The following REXO4 variants were observed in gnomAD, a reference collection of about 807,000 sequenced individuals.
REXO4 encodes the protein RNA exonuclease 4, also known as REX4 homolog, 3'-5' exonuclease.
REXO4 carries 29 observed loss-of-function variants against 39.9 expected under a neutral mutation model. That is an observed-to-expected ratio of 0.73 (90% CI 0.54 to 0.99). The LOEUF (loss-of-function observed/expected upper bound fraction) is 0.99. Ranked by LOEUF, REXO4 falls within the 50% of genes least tolerant of loss-of-function variation. The pLI, the probability that REXO4 is intolerant of heterozygous loss-of-function variation, is 0.00. For synonymous variants in REXO4, 184 were observed against 206.2 expected, an observed-to-expected ratio of 0.89 and a Z score of 0.92; for missense variants, 524 against 546.5, an observed-to-expected ratio of 0.96 and a Z score of 0.41.
chr9:133,408,616 G>T, intron 6 of REXO4, 152 bp downstream of exon 6: 1 of 623,258 alleles, frequency 1.6e-6, no homozygotes. Flanking sequence ...GCAATTAGCA[G>T]AACTCTATTT....
At chr9:133,414,449 A>T in intron 2 of REXO4, 2 of 698,392 alleles carry the variant, frequency 2.9e-6, no homozygotes, top group South Asian at 3.0e-5. Flanking sequence ...CACCCACTAA[A>T]TGCTGAGCTC....
chr9:133,406,696 G>A lies in REXO4; in HGVS notation c.*257C>T, dbSNP rs368651258. On this transcript the variant is annotated 3_prime_UTR_variant, in exon 8 of 8. Transcript: ENST00000371942. ...CCAGGGGGTCAGCAGTCGGTAAAGC[G>A]TGGCCAGGCGTGCCCATGGCCGTCC... The A allele has an allele frequency of 2.5e-5, 13 of 512,998 alleles. No homozygotes were observed. The East Asian group carries it at 3.2e-4, about 12-fold the overall frequency. 31.8% of individuals were successfully genotyped at this position (512,998 alleles called of 1,614,324 possible). A position where few individuals can be genotyped will look rare whatever the true frequency, so the allele number is the denominator to read the frequency against.
chr9:133,412,673 T>C (rs896784210), intron 3 of REXO4, 105 bp downstream of exon 3: 1 of 1,508,602 alleles, frequency 6.6e-7, no homozygotes, highest in African/African-American at 1.4e-5. Flanking sequence ...GGGAGGTGCT[T>C]GCCTCATTCA....
chr9:133,413,007 GTGGAGCGA>G, intron 2 of REXO4, 86 bp from the exon 3 acceptor site: 1 of 1,431,018 alleles, frequency 7.0e-7, no homozygotes, highest in Non-Finnish European at 9.5e-7. Flanking sequence ...GTGCAGGTGA[GTGGAGCGA>G]TGGCACAGCC....
rs587698156 is a variant in REXO4, at chr9:133,417,835, C to T, written c.10G>A (p.Ala4Thr). The T allele has an allele frequency of 6.3e-7, 1 of 1,599,922 alleles. No individual in the cohort carries two copies. The highest frequency in any genetic ancestry group is 1.7e-5 in the Admixed American group (1 of 59,994). The change falls in exon 1 of 8, where the codon GCG (alanine) becomes ACG (threonine). Residue 4 changes from alanine to threonine, a missense_variant. Transcript: ENST00000371942. MGK[A>T]KVPASKRAPS... ...GCGCGCTTGGAGGCGGGGACCTTCG[C>T]CTTCCCCATCCTGCTGCCGTCCAGC...
rs587768877 is a variant in REXO4, at chr9:133,412,371, C to T, written c.838G>A (p.Val280Ile). 161 of 1,614,122 alleles carry T rather than the reference C, an allele frequency of 1.0e-4. No individual in the cohort carries two copies. In the South Asian group the frequency reaches 1.6e-3, roughly 16 times the overall value. ...QYGKCVYDKY[V>I]KPTEPVTDYR... is the part of the protein sequence containing the mutation. The stretch of plus-strand genomic sequence containing the variant: ...TCCGTCACGGGCTCGGTTGGTTTGA[C>T]GTACTTGTCATAAACGCACTTCCCA... The change falls in exon 4 of 8, where the codon GTC becomes ATC. Residue 280 changes from valine (V) to isoleucine (I), a missense_variant. Physicochemically the swap from Val to Ile is conservative, Grantham distance 29. Coordinates refer to ENST00000371942, the MANE Select transcript of REXO4 (RefSeq NM_020385.4).
Position 133,412,330 on chromosome 9 carries a change from G to C in REXO4, c.879C>G (p.Val293=). The change falls in exon 4 of 8, where the codon GTC becomes GTG. Residue 293 remains valine, a synonymous_variant. Transcript: ENST00000371942. ...TEPVTDYRTA[V]SGIRPENLKQ... is the part of the protein sequence containing the mutation. ...TGAGGTTCTCAGGCCGAATCCCACT[G>C]ACCGCTGTCCTATAGTCCGTCACGG... 1 of 1,614,022 alleles carries C rather than the reference G, an allele frequency of 6.2e-7. No individual in the cohort carries two copies. Among genetic ancestry groups the C allele is most frequent in the Non-Finnish European group, 8.5e-7 (1 of 1,180,036 alleles).
Position 133,417,788 on chromosome 9 carries a change from C to G in REXO4, c.57G>C (p.Lys19Asn). The change falls in exon 1 of 8, where the codon AAG (lysine) becomes AAC (asparagine). Residue 19 changes from lysine (K) to asparagine (N), a missense_variant. By Grantham distance (94) the Lys-to-Asn change is moderately conservative. Transcript: ENST00000371942. ...SKRAPSSPVA[K>N]PGPVKTLTRK... is the part of the protein sequence containing the mutation. ...GAGTGAGCGTCTTGACAGGACCCGG[C>G]TTAGCCACGGGGCTGCTCGGGGCGC... 1 of 1,609,982 alleles carries G rather than the reference C, an allele frequency of 6.2e-7. No homozygotes were observed. Among genetic ancestry groups the G allele is most frequent in the South Asian group, 1.1e-5 (1 of 91,078 alleles).
intron 2 of REXO4, 73 bp downstream of exon 2, chr9:133,414,592 G>A (rs782535307): frequency 9.0e-5 from 121 of 1,349,604 alleles, no homozygotes; most frequent in Non-Finnish European, 1.2e-4. Flanking sequence ...GAGGCCACCA[G>A]CCTCCATAAG....
In REXO4 at chr9:133,412,378, G is replaced by T; in HGVS notation, c.831C>A (p.Asp277Glu). The T allele has an allele frequency of 1.9e-6, 3 of 1,614,116 alleles. No homozygotes were observed. In the South Asian group the frequency reaches 3.3e-5, roughly 18 times the overall value. Residue 277 changes from aspartate (D) to glutamate (E), a missense_variant, in exon 4 of 8, where the codon GAC (aspartate) becomes GAA (glutamate). Coordinates refer to ENST00000371942, the MANE Select transcript of REXO4 (RefSeq NM_020385.4). ...IVNQYGKCVY[D>E]KYVKPTEPVT... ...CGGGCTCGGTTGGTTTGACGTACTT[G>T]TCATAAACGCACTTCCCATACTGGT... is the stretch of plus-strand genomic sequence containing the variant.
intron 3 of REXO4, 126 bp from the exon 4 acceptor site, chr9:133,412,618 C>T: frequency 7.2e-7 from 1 of 1,395,940 alleles, no homozygotes; most frequent in Non-Finnish European, 9.9e-7. Flanking sequence ...CTCATTTGCA[C>T]CCACGTGACA....
intron 3 of REXO4, 21 bp from the exon 4 acceptor site, chr9:133,412,513 G>A: frequency 1.2e-6 from 2 of 1,612,844 alleles, no homozygotes; most frequent in Middle Eastern, 1.7e-4. Flanking sequence ...ACCAAAGGCT[G>A]TAGTTTAATA....
chr9:133,412,484 C>T lies in REXO4; in HGVS notation c.725G>A (p.Arg242Lys). ...VKEQAFGGLT[R>K]ALALDCEMVG... Reference sequence around the variant, plus strand: ...CATCTCACAGTCCAAGGCTAAGGCTCTTGTCAGGCTGAAGGGTAACCAAAG... The same window carrying T: ...CATCTCACAGTCCAAGGCTAAGGCTTTTGTCAGGCTGAAGGGTAACCAAAG... The change falls in exon 4 of 8, where the codon AGA becomes AAA. Residue 242 changes from arginine (R) to lysine (K), a missense_variant. Physicochemically the swap from Arg to Lys is conservative, Grantham distance 26 (BLOSUM62 2). Transcript: ENST00000371942. 1 of 1,614,038 alleles carries T rather than the reference C, an allele frequency of 6.2e-7. No individual in the cohort carries two copies. Among genetic ancestry groups the T allele is most frequent in the Admixed American group, 1.7e-5 (1 of 60,020 alleles).
At chr9:133,416,843 C>T (rs1256455475) in intron 1 of REXO4, among the ~76,000 whole-genome samples, 1 of 152,212 alleles carries the variant, frequency 6.6e-6, no homozygotes, top group Non-Finnish European at 1.5e-5. Flanking sequence ...GGGATTGCAA[C>T]ACGCATGGCA....
In REXO4 at chr9:133,406,655, C is replaced by A. The variant is rs1382139969; in HGVS notation, c.*298G>T. The A allele has an allele frequency of 2.3e-5, 10 of 432,352 alleles. No homozygotes were observed. Among genetic ancestry groups the A allele is most frequent in the Non-Finnish European group, 3.5e-5 (8 of 231,858 alleles). 26.8% of individuals were successfully genotyped at this position (432,352 alleles called of 1,614,324 possible). On this transcript the variant is annotated 3_prime_UTR_variant, in exon 8 of 8. Transcript: ENST00000371942. ...CCGTATGGACTGGCGGCCCACAGGC[C>A]CCAACCTCACCTGGCCCAGGGGGTC...
intron 2 of REXO4, 108 bp from the exon 3 acceptor site, chr9:133,413,029 C>A: frequency 8.1e-7 from 1 of 1,240,350 alleles, no homozygotes; most frequent in Non-Finnish European, 1.1e-6. Flanking sequence ...CACAGCCTGC[C>A]TCTCCCACAG....
chr9:133,406,895 C>G lies in REXO4; in HGVS notation c.*58G>C, dbSNP rs1159341735. ...CCACTCTGGGGAGATGTGATCTGTC[C>G]CTGTGACTGGTCACATTGCCTCTGT... On this transcript the variant is annotated 3_prime_UTR_variant, in exon 8 of 8. Transcript: ENST00000371942. 1 of 1,601,654 alleles carries G rather than the reference C, an allele frequency of 6.2e-7. No individual in the cohort carries two copies. The highest frequency in any genetic ancestry group is 1.7e-5 in the Admixed American group (1 of 60,014).
Position 133,417,684 on chromosome 9 carries a change from C to A in REXO4, c.161G>T (p.Gly54Val). The A allele has an allele frequency of 1.2e-6, 2 of 1,614,150 alleles. No individual in the cohort carries two copies. The highest frequency in any genetic ancestry group is 1.7e-6 in the Non-Finnish European group (2 of 1,179,988). ...TGCCTTTGGAGGTCGCACCACAGCA[C>A]CGGGGCCGCTTGCTGGCTTCTTGCT... is the stretch of plus-strand genomic sequence containing the variant. ...EVSKKPASGP[G>V]AVVRPPKAPE... Residue 54 changes from glycine (G) to valine (V), a missense_variant, in exon 1 of 8, where the codon GGT (glycine) becomes GTT (valine). Physicochemically the swap from Gly to Val is moderately radical, Grantham distance 109. Coordinates refer to ENST00000371942, the MANE Select transcript of REXO4 (RefSeq NM_020385.4).
Position 133,412,644 on chromosome 9 carries a change from T to C in REXO4, c.716+134A>G, listed in dbSNP as rs190735074. 1,673 of 1,430,412 alleles carry C rather than the reference T, an allele frequency of 1.2e-3. 26 individuals carry two copies. The South Asian group carries it at 0.02, about 17-fold the overall frequency. 88.6% of individuals were successfully genotyped at this position (1,430,412 alleles called of 1,614,324 possible). A position where few individuals can be genotyped will look rare whatever the true frequency, so the allele number is the denominator to read the frequency against. ...CCACGTGACAAGCTCTGTGTGGTCCTGGTTCTTAGCAGGACCCTGGGAGGT... is the reference window on the plus strand; with the variant it reads ...CCACGTGACAAGCTCTGTGTGGTCCCGGTTCTTAGCAGGACCCTGGGAGGT... On this transcript the variant is annotated intron_variant, in intron 3 of 7. Transcript: ENST00000371942.
Sources: allele counts gnomAD v4.1 joint callset (sites outside exome capture counted in the v4.1 genomes callset), GRCh38; gene constraint gnomAD v4.1.1; transcripts MANE v1.5; gene names NCBI Gene and HGNC (gene_info 2026-07-23, HGNC 2026-07-21).